MED12L: variants seen among roughly 807,000 people sequenced by gnomAD.
MED12L encodes mediator of RNA polymerase II transcription subunit 12-like protein.
In MED12L, 60 loss-of-function variants were observed where a neutral mutation model predicts 281.3. That is an observed-to-expected ratio of 0.21 (90% CI 0.17 to 0.26). The LOEUF is 0.26. MED12L is among the 10% of genes least tolerant of loss of function. MED12L has a pLI of 1.00. For missense variants in MED12L, 2,146 were observed against 2,680.9 expected, an observed-to-expected ratio of 0.80 and a Z score of 4.41; for synonymous variants, 974 against 987.2, an observed-to-expected ratio of 0.99 and a Z score of 0.25.
intron 16 of MED12L, among the ~76,000 whole-genome samples, chr3:151,345,517 C>CTTTTTTTTTTTTTTTT (rs201731496): frequency 7.6e-6 from 1 of 131,650 alleles, no homozygotes; most frequent in Non-Finnish European, 1.6e-5. Context: ...TTTTCTTTTT[C>CTTTTTTTTTTTTTTTT]TTTTTTTTTT....
chr3:151,158,412 C>T (rs1277878101), intron 6 of MED12L, among the ~76,000 whole-genome samples: 1 of 151,908 alleles, frequency 6.6e-6, no homozygotes, highest in Non-Finnish European at 1.5e-5. Flanking sequence ...TAGCCAGGAC[C>T]CTGACACACA....
At position 151,280,562 on chromosome 3, in the gene MED12L, A is replaced by G. The variant is rs551565055; in HGVS notation, c.2251-69497A>G. 8.5e-5 allele frequency among the ~76,000 whole-genome samples: 13 copies of G among 152,208 alleles called. No homozygotes were observed. In the South Asian group the frequency reaches 1.7e-3, roughly 19 times the overall value. On this transcript the variant is annotated intron_variant, in intron 16 of 44. Transcript: ENST00000687756. Reference sequence around the variant, plus strand: ...TGGTGTCTAAATCGAATACCTTACAAACCAGTGTAGACCTGATACCCTGTG... The same window carrying G: ...TGGTGTCTAAATCGAATACCTTACAGACCAGTGTAGACCTGATACCCTGTG...
At chr3:151,255,847 A>G (rs1422791936) in intron 16 of MED12L, among the ~76,000 whole-genome samples, 1 of 152,214 alleles carries the variant, frequency 6.6e-6, no homozygotes, top group Middle Eastern at 3.2e-3. Flanking sequence ...AGGAGACCTC[A>G]GGCTGGTAAT....
At chr3:151,275,677 T>C (rs1741733008) in intron 16 of MED12L, among the ~76,000 whole-genome samples, 2 of 152,144 alleles carry the variant, frequency 1.3e-5, no homozygotes, top group Non-Finnish European at 2.9e-5. Flanking sequence ...TTAAGGGTGC[T>C]AGGGAGGAAA....
rs138880702 is a variant in MED12L at position 151,408,786 on chromosome 3, T to C, written c.5821-457T>C. ...TGTATTCCTTGAATATCTGGCTAAA[T>C]AGGCAATTAGTAGGTCACTGTGAAG... On this transcript the variant is annotated intron_variant, in intron 39 of 44. Coordinates refer to ENST00000687756, the MANE Select transcript of MED12L (RefSeq NM_001393769.1). Among the ~76,000 whole-genome samples the C allele has an allele frequency of 2.6e-5, 4 of 152,348 alleles. No individual in the cohort carries two copies. In the East Asian group the frequency reaches 7.7e-4, roughly 29 times the overall value.
chr3:151,138,384 A>G (rs775543572), intron 5 of MED12L, among the ~76,000 whole-genome samples: 8 of 152,174 alleles, frequency 5.3e-5, no homozygotes, highest in African/African-American at 1.9e-4. Flanking sequence ...CCTTGCAAAC[A>G]GTTTCTCCCA....
chr3:151,274,315 G>A (rs187483837), intron 16 of MED12L, among the ~76,000 whole-genome samples: 3 of 152,278 alleles, frequency 2.0e-5, no homozygotes, highest in Non-Finnish European at 4.4e-5. Flanking sequence ...CAGCTGCTGT[G>A]TATCAAACTC....
At chr3:151,277,684 CTA>C (rs1742122223) in intron 16 of MED12L, among the ~76,000 whole-genome samples, 1 of 152,088 alleles carries the variant, frequency 6.6e-6, no homozygotes, top group Non-Finnish European at 1.5e-5. Flanking sequence ...TAGTCATAGA[CTA>C]TAAATAAGTA....
Position 151,337,739 on chromosome 3 carries a change from G to A in MED12L, c.2251-12320G>A, listed in dbSNP as rs1318774149. 2.8e-6 allele frequency: 4 copies of A among 1,428,802 alleles called. No individual in the cohort carries two copies. In the African/African-American group the frequency reaches 5.7e-5, roughly 20 times the overall value. 88.5% of individuals were successfully genotyped at this position (1,428,802 alleles called of 1,614,324 possible). On this transcript the variant is annotated intron_variant, in intron 16 of 44. Coordinates refer to ENST00000687756, the MANE Select transcript of MED12L (RefSeq NM_001393769.1). The stretch of plus-strand genomic sequence containing the variant: ...TATTAACTTAGTTGCTTCTTCGTCA[G>A]TTAATATTTTTACTTAGCGCTTTGC...
intron 2 of MED12L, among the ~76,000 whole-genome samples, chr3:151,104,604 G>C (rs1721781102): frequency 6.6e-6 from 1 of 152,156 alleles, no homozygotes; most frequent in Non-Finnish European, 1.5e-5. Context: ...TCTTGCCATG[G>C]GGAATAGAGC....
chr3:151,408,168 C>T (rs1716545554), intron 39 of MED12L, among the ~76,000 whole-genome samples: 1 of 152,126 alleles, frequency 6.6e-6, no homozygotes, highest in African/African-American at 2.4e-5. Flanking sequence ...GCTCTTTGAG[C>T]CTGGCTTTTC....
At chr3:151,181,051 A>C (rs79302062) in intron 11 of MED12L, among the ~76,000 whole-genome samples, 3 of 151,992 alleles carry the variant, frequency 2.0e-5, no homozygotes, top group Non-Finnish European at 4.4e-5. Context: ...TAAAAAAAAA[A>C]CACTTCTGTT....
At chr3:151,123,098 G>A in intron 4 of MED12L, 124 bp downstream of exon 4, 1 of 757,900 alleles carries the variant, frequency 1.3e-6, no homozygotes, top group Admixed American at 3.0e-5. Context: ...GCAGGTTTGT[G>A]GTCCCAGGTG....
chr3:151,416,138 G>C (rs532362014), intron 42 of MED12L, among the ~76,000 whole-genome samples, 174 bp from the exon 43 acceptor site: 29 of 152,304 alleles, frequency 1.9e-4, no homozygotes, highest in African/African-American at 7.0e-4. Flanking sequence ...AGCAGGTTTA[G>C]GTCTTGCCCT....
intron 16 of MED12L, among the ~76,000 whole-genome samples, chr3:151,203,872 A>G (rs1172517385): frequency 6.6e-6 from 1 of 152,178 alleles, no homozygotes; most frequent in Non-Finnish European, 1.5e-5. Flanking sequence ...TATATTATAT[A>G]TTCAATTTAT....
chr3:151,391,003 T>G (rs2108227153), intron 38 of MED12L, among the ~76,000 whole-genome samples: 1 of 152,376 alleles, frequency 6.6e-6, no homozygotes, highest in South Asian at 2.1e-4. Context: ...GTGCCTCATT[T>G]TGGTCATCTG....
rs549204896 is a variant in MED12L, at chr3:151,387,763, A to G, written c.5089-47A>G. The G allele has an allele frequency of 2.6e-6, 4 of 1,548,024 alleles. No individual in the cohort carries two copies. The East Asian group carries it at 6.8e-5, about 26-fold the overall frequency. ...TCCCATACAAGCCTGGCCTATGAAT[A>G]AGGAAAAGATCTGAGTGTGCTATCT... On this transcript the variant is annotated intron_variant, in intron 36 of 44. Transcript: ENST00000687756.
chr3:151,385,870 T>A (rs1713256007), intron 36 of MED12L, among the ~76,000 whole-genome samples: 1 of 152,058 alleles, frequency 6.6e-6, no homozygotes, highest in African/African-American at 2.4e-5. Context: ...TATGAGAAAA[T>A]TGGTCAGTTA....
At chr3:151,412,423 A>C (rs975102952) in intron 41 of MED12L, among the ~76,000 whole-genome samples, 4 of 152,210 alleles carry the variant, frequency 2.6e-5, no homozygotes, top group African/African-American at 7.2e-5. Context: ...CATCATAGAA[A>C]GTTCTGTTGG....
Sources: gnomAD v4.1 joint callset for allele counts (sites outside exome capture counted in the v4.1 genomes callset) on GRCh38, gnomAD v4.1.1 for gene constraint, MANE v1.5 for transcripts, NCBI Gene and HGNC (gene_info 2026-07-23, HGNC 2026-07-21) for gene names.